Variants in EPHA6 observed in about 807,000 individuals in gnomAD.
EPHA6 encodes the protein EPH receptor A6.
Under a neutral mutation model 112.0 loss-of-function variants are expected in EPHA6, and 50 were observed. The ratio of observed to expected loss-of-function variants is 0.45; its 90% CI spans 0.36 to 0.56. The LOEUF is 0.56. Among genes scored for constraint, EPHA6 ranks in the 20% least tolerant of loss-of-function variants. The pLI, the probability that EPHA6 is intolerant of heterozygous loss-of-function variation, is 0.00. For missense variants in EPHA6, 1,280 were observed against 1,417.4 expected (o/e 0.90, Z 1.56); for synonymous variants, 529 against 490.7 (o/e 1.08, Z -1.03).
At chr3:97,187,747 G>GAA (rs1559784809) in intron 3 of EPHA6, among the ~76,000 whole-genome samples, 6 of 124,092 alleles carry the variant, frequency 4.8e-5, no homozygotes, top group African/African-American at 1.8e-4. Context: ...GAAAGAAAGA[G>GAA]GAAAGAAAGA....
intron 15 of EPHA6, among the ~76,000 whole-genome samples, chr3:97,724,543 A>C (rs2034672854): frequency 6.6e-6 from 1 of 152,108 alleles, no homozygotes; most frequent in Non-Finnish European, 1.5e-5. Context: ...CTGAGGCAGG[A>C]AGATCACTTC....
intron 3 of EPHA6, among the ~76,000 whole-genome samples, chr3:97,044,395 C>T (rs1489104751): frequency 6.6e-6 from 1 of 152,098 alleles, no homozygotes; most frequent in Non-Finnish European, 1.5e-5. Flanking sequence ...TTGCCTTTAA[C>T]CCTCTATGTT....
At chr3:97,616,603 TA>T (rs1213343472) in intron 13 of EPHA6, among the ~76,000 whole-genome samples, 6 of 151,918 alleles carry the variant, frequency 3.9e-5, no homozygotes, top group Non-Finnish European at 7.4e-5. Context: ...TTGACAGAGC[TA>T]AAAAACACAA....
chr3:97,546,122 T>G (rs570951508), intron 11 of EPHA6, among the ~76,000 whole-genome samples: 29 of 152,330 alleles, frequency 1.9e-4, no homozygotes, highest in Admixed American at 7.2e-4. Flanking sequence ...GTTAGCTGGT[T>G]ATTTTGCTCA....
chr3:97,636,172 C>A (rs895637248), intron 13 of EPHA6, among the ~76,000 whole-genome samples: 1 of 152,056 alleles, frequency 6.6e-6, no homozygotes, highest in Non-Finnish European at 1.5e-5. Flanking sequence ...TTCACTACTA[C>A]TTTAAAATTC....
intron 10 of EPHA6, among the ~76,000 whole-genome samples, chr3:97,505,641 A>G (rs1378129463): frequency 6.6e-6 from 1 of 152,192 alleles, no homozygotes; most frequent in African/African-American, 2.4e-5. Context: ...CAGTGCTGCA[A>G]TAAACATATG....
chr3:96,962,904 A>C (rs2041996171), intron 2 of EPHA6, among the ~76,000 whole-genome samples: 1 of 152,150 alleles, frequency 6.6e-6, no homozygotes, highest in Non-Finnish European at 1.5e-5. Context: ...CTGTAATCTC[A>C]GCACCTTGGG....
At chr3:97,022,409 T>G (rs994243240) in intron 3 of EPHA6, among the ~76,000 whole-genome samples, 12 of 152,218 alleles carry the variant, frequency 7.9e-5, no homozygotes, top group African/African-American at 2.9e-4. Context: ...TATTAGTTTA[T>G]TTCATTATTT....
At position 97,448,667 on chromosome 3, in the gene EPHA6, G is replaced by A. The variant is rs1273924987; in HGVS notation, c.1831G>A (p.Val611Met). 1.2e-6 allele frequency: 2 copies of A among 1,613,428 alleles called. No homozygotes were observed. The highest frequency in any genetic ancestry group is 1.3e-5 in the African/African-American group (1 of 74,876). ...CACCAAATATGTATTTCACATCCGA[G>A]TGAGAACTGCGACAGGATACAGTGG... Reference protein sequence around the residue: ...PATKYVFHIRVRTATGYSGYS... With the variant: ...PATKYVFHIRMRTATGYSGYS... Residue 611 changes from valine (V) to methionine (M), a missense_variant, in exon 7 of 18, where the codon GTG (valine) becomes ATG (methionine). This residue lies in a region of EPHA6 where 878 missense variants were observed against 999.7 expected (regional missense o/e 0.88). Transcript: ENST00000389672.
At chr3:97,656,262 G>T (rs568068329) in intron 14 of EPHA6, among the ~76,000 whole-genome samples, 1 of 151,688 alleles carries the variant, frequency 6.6e-6, no homozygotes, top group Non-Finnish European at 1.5e-5. Flanking sequence ...CACTTCACTA[G>T]GCAACATTTA....
intron 3 of EPHA6, among the ~76,000 whole-genome samples, chr3:97,079,326 T>A (rs1474110406): frequency 6.6e-6 from 1 of 152,156 alleles, no homozygotes; most frequent in East Asian, 1.9e-4. Context: ...GAGACCATTA[T>A]CCTTAGCAAA....
intron 4 of EPHA6, among the ~76,000 whole-genome samples, chr3:97,228,979 G>C (rs1259624206): frequency 1.3e-5 from 2 of 152,102 alleles, no homozygotes; most frequent in African/African-American, 4.8e-5. Context: ...TAGTGATGTT[G>C]AGCATTTTTT....
At chr3:97,663,909 C>T (rs1007077805) in intron 14 of EPHA6, among the ~76,000 whole-genome samples, 1 of 152,172 alleles carries the variant, frequency 6.6e-6, no homozygotes, top group African/African-American at 2.4e-5. Flanking sequence ...GGAATTGCCA[C>T]ACCGTCTTCC....
At chr3:97,311,543 A>T (rs1403922772) in intron 5 of EPHA6, among the ~76,000 whole-genome samples, 4 of 151,594 alleles carry the variant, frequency 2.6e-5, no homozygotes, top group African/African-American at 9.7e-5. Flanking sequence ...AGCACCATTT[A>T]CCTTTTCTTT....
rs544002030 is a variant in EPHA6, at chr3:97,691,049, TG to T, written c.2785-29211del. On this transcript the variant is annotated intron_variant, in intron 14 of 17. Coordinates refer to ENST00000389672, the MANE Select transcript of EPHA6 (RefSeq NM_001080448.3). Reference sequence around the variant, plus strand: ...AAGAAAATTAACTATTGTGTTTTCATGTAAGATTTTTATGGTTTTTAGCTCT... The same window carrying T: ...AAGAAAATTAACTATTGTGTTTTCATTAAGATTTTTATGGTTTTTAGCTCT... Among the ~76,000 whole-genome samples, 518 of 152,350 alleles carry T rather than the reference TG, an allele frequency of 3.4e-3. 4 individuals carry two copies. The highest frequency in any genetic ancestry group is 0.012 in the African/African-American group (486 of 41,578).
intron 3 of EPHA6, among the ~76,000 whole-genome samples, chr3:97,056,574 T>G (rs543807694): frequency 6.6e-6 from 1 of 152,244 alleles, no homozygotes; most frequent in East Asian, 1.9e-4. Flanking sequence ...ACGCCAGAAG[T>G]AGAAAAATGT....
At chr3:97,387,750 CA>C (rs1393542646) in intron 5 of EPHA6, among the ~76,000 whole-genome samples, 2 of 152,118 alleles carry the variant, frequency 1.3e-5, no homozygotes, top group African/African-American at 2.4e-5. Context: ...AGCAATTCAC[CA>C]CTCTCATTAC....
At chr3:96,968,809 G>C (rs2042218689) in intron 2 of EPHA6, among the ~76,000 whole-genome samples, 1 of 151,864 alleles carries the variant, frequency 6.6e-6, no homozygotes, top group Non-Finnish European at 1.5e-5. Context: ...TATTTAGTTA[G>C]CCTCAAATAT....
rs540875461 is a variant in EPHA6, at chr3:97,226,527, C to T, written c.1270+108C>T. ...GTACAAAATCTTGCATTATCAATGC[C>T]ATTTGTCTGTGATAACAGTCAAGGA... is the stretch of plus-strand genomic sequence containing the variant. On this transcript the variant is annotated intron_variant, in intron 4 of 17. Coordinates refer to ENST00000389672, the MANE Select transcript of EPHA6 (RefSeq NM_001080448.3). The T allele has an allele frequency of 2.4e-4, 241 of 1,005,972 alleles. No homozygotes were observed. In the East Asian group the frequency reaches 5.8e-3, roughly 24 times the overall value. The allele number at this position is 1,005,972 out of a possible 1,614,324, so 62.3% of individuals were successfully genotyped here. A position where few individuals can be genotyped will look rare whatever the true frequency, so the allele number is the denominator to read the frequency against.
Sources: allele counts gnomAD v4.1 joint callset (sites outside exome capture counted in the v4.1 genomes callset), GRCh38; gene constraint gnomAD v4.1.1; regional missense constraint gnomAD v4.1.1; transcripts MANE v1.5; gene names NCBI Gene and HGNC (gene_info 2026-07-23, HGNC 2026-07-21).